Variants in ASB15 observed in about 807,000 individuals in gnomAD.
ASB15 encodes the protein ankyrin repeat and SOCS box protein 15.
In ASB15, 54 loss-of-function variants were observed where a neutral mutation model predicts 58.0. The ratio of observed to expected loss-of-function variants is 0.93; its 90% CI spans 0.75 to 1.17. ASB15 has a LOEUF of 1.17. Among genes scored for constraint, ASB15 ranks in the 50% most tolerant of loss-of-function variants. The pLI is 0.00. For synonymous variants in ASB15, 249 were observed against 262.4 expected (o/e 0.95, Z 0.50); for missense variants, 680 against 707.4 (o/e 0.96, Z 0.44).
At chr7:123,593,515 C>A (rs1161799719) in intron 1 of ASB15, among the ~76,000 whole-genome samples, 1 of 152,122 alleles carries the variant, frequency 6.6e-6, no homozygotes, top group Admixed American at 6.5e-5. Context: ...GATTTTATTT[C>A]TCCTTCACTT....
At chr7:123,585,506 G>A (rs1001402197) in intron 1 of ASB15, among the ~76,000 whole-genome samples, 1 of 151,592 alleles carries the variant, frequency 6.6e-6, no homozygotes, top group African/African-American at 2.4e-5. Flanking sequence ...GCTTTATTGA[G>A]GTATAATTAA....
chr7:123,624,867 C>A, intron 8 of ASB15, 53 bp downstream of exon 8: 1 of 1,545,926 alleles, frequency 6.5e-7, no homozygotes, highest in Admixed American at 1.9e-5. Context: ...CTCGAACTCT[C>A]CTTTTCTCCA....
intron 11 of ASB15, among the ~76,000 whole-genome samples, chr7:123,630,997 T>C (rs1218900884): frequency 1.3e-5 from 2 of 152,192 alleles, no homozygotes; most frequent in Non-Finnish European, 2.9e-5. Flanking sequence ...CAGATAGACC[T>C]AGAATGAAAT....
chr7:123,611,800 T>C (rs1800479807), intron 3 of ASB15, among the ~76,000 whole-genome samples: 1 of 152,148 alleles, frequency 6.6e-6, no homozygotes, highest in African/African-American at 2.4e-5. Flanking sequence ...GGCACCTTAG[T>C]ACACCTGCAT....
intron 1 of ASB15, among the ~76,000 whole-genome samples, chr7:123,585,372 A>T (rs565497738): frequency 6.6e-6 from 1 of 151,916 alleles, no homozygotes; most frequent in East Asian, 1.9e-4. Context: ...AATTTAGAGC[A>T]CACTAGGAGA....
chr7:123,584,970 T>A (rs1799336465), intron 1 of ASB15: 1 of 151,866 alleles, frequency 6.6e-6, no homozygotes, highest in South Asian at 2.1e-4. Flanking sequence ...CAGTCACAAT[T>A]CCATTTTGAC....
intron 4 of ASB15, 106 bp from the exon 5 acceptor site, chr7:123,616,115 T>G: frequency 1.0e-6 from 1 of 967,558 alleles, no homozygotes; most frequent in Non-Finnish European, 1.5e-6. Context: ...CTTTGGATCT[T>G]GATTATTAAA....
chr7:123,609,656 A>G (rs1800331899), intron 3 of ASB15, among the ~76,000 whole-genome samples: 1 of 152,220 alleles, frequency 6.6e-6, no homozygotes, highest in Non-Finnish European at 1.5e-5. Context: ...TAAACCAACT[A>G]AACAATACAT....
chr7:123,619,009 A>G (rs1801029160), intron 7 of ASB15, among the ~76,000 whole-genome samples: 1 of 151,878 alleles, frequency 6.6e-6, no homozygotes, highest in African/African-American at 2.4e-5. Flanking sequence ...CCCCGTCTCT[A>G]CTAAAAATAC....
rs529716903 is a variant in ASB15 at position 123,582,416 on chromosome 7, G to A, written c.-443+15328G>A. The stretch of plus-strand genomic sequence containing the variant: ...GAGAAAGCCTTTTCTCATTGCCACC[G>A]TCCTGGAGGAAGAAATAAAATAAAG... On this transcript the variant is annotated intron_variant, in intron 1 of 13. Coordinates refer to the ASB15 transcript ENST00000451558. Among the ~76,000 whole-genome samples, 463 of 151,978 alleles carry A rather than the reference G, an allele frequency of 3.0e-3. 3 individuals are homozygous for A. The highest frequency in any genetic ancestry group is 0.01 in the African/African-American group (423 of 41,470).
At chr7:123,592,240 A>G (rs1188947078) in intron 1 of ASB15, among the ~76,000 whole-genome samples, 2 of 152,106 alleles carry the variant, frequency 1.3e-5, no homozygotes, top group Non-Finnish European at 2.9e-5. Context: ...GATCTTTTCA[A>G]AAAACCACCT....
At chr7:123,597,485 A>C (rs1799731788), upstream of ASB15, among the ~76,000 whole-genome samples, 1 of 152,220 alleles carries the variant, frequency 6.6e-6, no homozygotes, top group Admixed American at 6.5e-5. Flanking sequence ...CAGCATACAT[A>C]GAGTTCTGTA....
chr7:123,616,387 T>A lies in ASB15; in HGVS notation c.184T>A (p.Tyr62Asn). Residue 62 changes from tyrosine (Y) to asparagine (N), a missense_variant, in exon 6 of 12, where the codon TAT (tyrosine) becomes AAT (asparagine). Physicochemically the swap from Tyr to Asn is moderately radical, Grantham distance 143 (BLOSUM62 -2). Transcript: ENST00000451215. ...AGGTCACATTCCTGAGCTCCAGGAG[T>A]ATGTAAAATATAAATATGCAATGGA... ...KQGHIPELQE[Y>N]VKYKYAMDEA... 5.0e-6 allele frequency: 8 copies of A among 1,608,072 alleles called. No individual in the cohort carries two copies. The highest frequency in any genetic ancestry group is 6.8e-6 in the Non-Finnish European group (8 of 1,175,186).
Position 123,630,036 on chromosome 7 carries a change from A to G in ASB15, c.1511A>G (p.Tyr504Cys), listed in dbSNP as rs1802039699. 2 of 1,606,106 alleles carry G rather than the reference A, an allele frequency of 1.2e-6. No individual in the cohort carries two copies. Among genetic ancestry groups the G allele is most frequent in the African/African-American group, 1.3e-5 (1 of 74,758 alleles). Residue 504 changes from tyrosine (Y) to cysteine (C), a missense_variant, in exon 11 of 12, where the codon TAC becomes TGC. Physicochemically the swap from Tyr to Cys is radical, Grantham distance 194 (BLOSUM62 -2). Transcript: ENST00000451215. The part of the protein sequence containing the change: ...VGRVTRVLID[Y>C]MDYVPLCAKL... ...AGAGTTACTCGTGTACTAATAGATTACATGGATTATGTTCCTCTGTGTGCT... is the reference window on the plus strand; with the variant it reads ...AGAGTTACTCGTGTACTAATAGATTGCATGGATTATGTTCCTCTGTGTGCT...
At position 123,637,061 on chromosome 7, in the gene ASB15, C is replaced by T; in HGVS notation, c.*80C>T. The T allele has an allele frequency of 1.0e-6, 1 of 970,480 alleles. No homozygotes were observed. Among genetic ancestry groups the T allele is most frequent in the Non-Finnish European group, 1.5e-6 (1 of 658,536 alleles). The allele number at this position is 970,480 out of a possible 1,614,324, so 60.1% of individuals were successfully genotyped here. A position where few individuals can be genotyped will look rare whatever the true frequency, so the allele number is the denominator to read the frequency against. On this transcript the variant is annotated 3_prime_UTR_variant, in exon 12 of 12. Coordinates refer to ENST00000451215, the MANE Select transcript of ASB15 (RefSeq NM_001290258.2). Reference sequence around the variant, plus strand: ...TAATTTCTTGTAACCATTTTACATCCTTAATTGTAAAGTGTATTTAAATTC... The same window carrying T: ...TAATTTCTTGTAACCATTTTACATCTTTAATTGTAAAGTGTATTTAAATTC...
chr7:123,606,434 T>C (rs912001654), intron 2 of ASB15, among the ~76,000 whole-genome samples: 1 of 152,226 alleles, frequency 6.6e-6, no homozygotes, highest in African/African-American at 2.4e-5. Context: ...CTTTGTAAGC[T>C]TTGCCTCTGT....
chr7:123,612,433 T>C (rs1800518309), intron 3 of ASB15: 1 of 152,104 alleles, frequency 6.6e-6, no homozygotes, highest in Admixed American at 6.5e-5. Flanking sequence ...AAATACAGAA[T>C]GAATGAGTAT....
chr7:123,597,860 G>A (rs1446454393), upstream of ASB15, among the ~76,000 whole-genome samples: 5 of 151,756 alleles, frequency 3.3e-5, no homozygotes, highest in African/African-American at 1.2e-4. Flanking sequence ...CAGATATGGG[G>A]AAACTACTCT....
intron 3 of ASB15, among the ~76,000 whole-genome samples, chr7:123,610,171 T>C (rs139994564): frequency 1.1e-4 from 17 of 152,348 alleles, no homozygotes; most frequent in African/African-American, 3.8e-4. Flanking sequence ...GACTGTGAGA[T>C]ATTTTCCTCT....
Sources: gnomAD v4.1 joint callset for allele counts (sites outside exome capture counted in the v4.1 genomes callset) on GRCh38, gnomAD v4.1.1 for gene constraint, MANE v1.5 for transcripts, NCBI Gene and HGNC (gene_info 2026-07-23, HGNC 2026-07-21) for gene names.